NRXN3: variants seen among roughly 807,000 people sequenced by gnomAD.
NRXN3 encodes the protein neurexin 3.
In NRXN3, 32 loss-of-function variants were observed where a neutral mutation model predicts 137.6. The observed-to-expected ratio is 0.23, with a 90% CI of 0.18 to 0.31. The LOEUF (loss-of-function observed/expected upper bound fraction) is 0.31. NRXN3 is among the 10% of genes least tolerant of loss of function. NRXN3 has a pLI of 1.00. For missense variants in NRXN3, 1,574 were observed against 2,062.5 expected (o/e 0.76, Z 4.59); for synonymous variants, 798 against 784.5 (o/e 1.02, Z -0.29).
chr14:79,622,123 G>A (rs1006224199), intron 16 of NRXN3, among the ~76,000 whole-genome samples: 3 of 152,136 alleles, frequency 2.0e-5, no homozygotes. Flanking sequence ...TCAGAGCAAC[G>A]TGAAAGGATT....
At chr14:79,791,960 A>G (rs140935670) in intron 19 of NRXN3, among the ~76,000 whole-genome samples, 2 of 152,276 alleles carry the variant, frequency 1.3e-5, no homozygotes, top group East Asian at 3.9e-4. Context: ...AAAGCACTTT[A>G]AAGGCAAGGA....
chr14:78,889,380 T>A (rs1453835784), intron 10 of NRXN3, among the ~76,000 whole-genome samples: 1 of 151,998 alleles, frequency 6.6e-6, no homozygotes, highest in Non-Finnish European at 1.5e-5. Flanking sequence ...AGCATTGCAC[T>A]TGGTGTGTGA....
chr14:79,191,466 T>C (rs2064301296), intron 15 of NRXN3, among the ~76,000 whole-genome samples: 1 of 152,192 alleles, frequency 6.6e-6, no homozygotes. Context: ...CCAGTGTAAT[T>C]GGGGATCTGT....
intron 2 of NRXN3, among the ~76,000 whole-genome samples, chr14:78,255,580 C>G (rs147978507): frequency 6.6e-6 from 1 of 152,136 alleles, no homozygotes; most frequent in South Asian, 2.1e-4. Context: ...ATGCAAGTTG[C>G]GATTGCTCAA....
chr14:78,591,148 G>A (rs113462649), intron 4 of NRXN3, among the ~76,000 whole-genome samples: 1 of 152,142 alleles, frequency 6.6e-6, no homozygotes, highest in Non-Finnish European at 1.5e-5. Flanking sequence ...GCATCCCAGA[G>A]GCCATTTCTG....
intron 4 of NRXN3, among the ~76,000 whole-genome samples, chr14:78,426,798 A>T (rs2093681836): frequency 6.6e-6 from 1 of 152,084 alleles, no homozygotes; most frequent in African/African-American, 2.4e-5. Context: ...ATTTTTTTAG[A>T]TTAAAATATT....
At chr14:79,602,068 C>A (rs2097929622) in intron 16 of NRXN3, among the ~76,000 whole-genome samples, 1 of 152,194 alleles carries the variant, frequency 6.6e-6, no homozygotes, top group Non-Finnish European at 1.5e-5. Context: ...AAACACTGAT[C>A]AGGCTAAATA....
intron 4 of NRXN3, among the ~76,000 whole-genome samples, chr14:78,517,724 C>G (rs2096230397): frequency 6.6e-6 from 1 of 152,104 alleles, no homozygotes; most frequent in South Asian, 2.1e-4. Flanking sequence ...CAAAGAAGCA[C>G]ACGATAAAGA....
intron 15 of NRXN3, among the ~76,000 whole-genome samples, chr14:79,040,856 G>A (rs749464653): frequency 6.6e-6 from 1 of 152,148 alleles, no homozygotes; most frequent in Admixed American, 6.5e-5. Context: ...TACTGCACAT[G>A]TGTTGAGGTG....
intron 10 of NRXN3, among the ~76,000 whole-genome samples, chr14:78,921,825 A>G (rs1248715758): frequency 6.6e-6 from 1 of 152,210 alleles, no homozygotes; most frequent in African/African-American, 2.4e-5. Flanking sequence ...ATATGGGACT[A>G]TTTGATATTG....
chr14:78,621,241 A>G (rs573403623), intron 4 of NRXN3, among the ~76,000 whole-genome samples: 1 of 152,202 alleles, frequency 6.6e-6, no homozygotes, highest in African/African-American at 2.4e-5. Flanking sequence ...GGCACAAAGA[A>G]ATAAGACAGC....
chr14:79,043,048 A>C (rs74769726), intron 15 of NRXN3, among the ~76,000 whole-genome samples: 2,448 of 152,328 alleles, frequency 0.016, 52 homozygotes, highest in African/African-American at 0.055. Flanking sequence ...CTTCTTAAAA[A>C]AAGTTAATCA....
chr14:78,426,685 T>C lies in NRXN3; in HGVS notation c.757+128825T>C, dbSNP rs112864430. Among the ~76,000 whole-genome samples, 26 of 152,306 alleles carry C rather than the reference T, an allele frequency of 1.7e-4. 1 individual carries two copies. Among genetic ancestry groups the C allele is most frequent in the African/African-American group, 5.5e-4 (23 of 41,574 alleles). On this transcript the variant is annotated intron_variant, in intron 4 of 20. Coordinates refer to ENST00000335750, the MANE Select transcript of NRXN3 (RefSeq NM_001330195.2). ...AGCTGGGCCTGTCTGGATTCCTCCCTGGGTCCCTAGTCTTGGCAGATAAGT... is the reference window on the plus strand; with the variant it reads ...AGCTGGGCCTGTCTGGATTCCTCCCCGGGTCCCTAGTCTTGGCAGATAAGT...
At chr14:78,448,656 A>G (rs1054510705) in intron 4 of NRXN3, among the ~76,000 whole-genome samples, 2 of 152,186 alleles carry the variant, frequency 1.3e-5, no homozygotes, top group African/African-American at 2.4e-5. Context: ...GGTCTGCCAG[A>G]AGGTGGCGCA....
At chr14:78,693,931 T>C (rs1211409322) in intron 6 of NRXN3, among the ~76,000 whole-genome samples, 1 of 151,832 alleles carries the variant, frequency 6.6e-6, no homozygotes, top group East Asian at 1.9e-4. Flanking sequence ...TTCAACTATA[T>C]TGATTGCTCT....
In NRXN3 at chr14:79,099,631, T is replaced by C. The variant is rs945090686; in HGVS notation, c.3262+111490T>C. 4.6e-5 allele frequency among the ~76,000 whole-genome samples: 7 copies of C among 152,206 alleles called. No individual in the cohort carries two copies. The South Asian group carries it at 6.2e-4, about 14-fold the overall frequency. Reference sequence around the variant, plus strand: ...AAATTCCAAATTTATATGAAACTTTTTCATGTATAATTTTGTTTAAATCCT... The same window carrying C: ...AAATTCCAAATTTATATGAAACTTTCTCATGTATAATTTTGTTTAAATCCT... On this transcript the variant is annotated intron_variant, in intron 15 of 20. Transcript: ENST00000335750.
rs532723568 is a variant in NRXN3, at chr14:79,003,174, G to A, written c.3262+15033G>A. 8.5e-5 allele frequency among the ~76,000 whole-genome samples: 13 copies of A among 152,180 alleles called. No homozygotes were observed. In the South Asian group the frequency reaches 2.7e-3, roughly 32 times the overall value. On this transcript the variant is annotated intron_variant, in intron 15 of 20. Coordinates refer to ENST00000335750, the MANE Select transcript of NRXN3 (RefSeq NM_001330195.2). ...TGAATTTTTAAGGCAGCCTCTCCAA[G>A]AACATTCTGAGGTGTTCTGGTGTCT...
intron 16 of NRXN3, among the ~76,000 whole-genome samples, chr14:79,509,289 T>C (rs2096909227): frequency 6.6e-6 from 1 of 152,082 alleles, no homozygotes; most frequent in Non-Finnish European, 1.5e-5. Context: ...AGCAGATCAC[T>C]TGAGATCAGG....
intron 1 of NRXN3, among the ~76,000 whole-genome samples, chr14:78,210,639 C>T (rs2062652812): frequency 6.6e-6 from 1 of 151,890 alleles, no homozygotes; most frequent in Admixed American, 6.6e-5. Flanking sequence ...TCCATCACCC[C>T]CAAAAAGTTT....
Sources: gnomAD v4.1 joint callset for allele counts (sites outside exome capture counted in the v4.1 genomes callset) on GRCh38, gnomAD v4.1.1 for gene constraint, MANE v1.5 for transcripts, NCBI Gene and HGNC (gene_info 2026-07-23, HGNC 2026-07-21) for gene names.